FAM184B: variants seen among roughly 807,000 people sequenced by gnomAD.
The protein encoded by FAM184B is protein FAM184B.
A neutral mutation model predicts 135.9 loss-of-function variants in FAM184B; 111 were observed. The observed-to-expected ratio is 0.82, with a 90% CI of 0.70 to 0.96. The LOEUF (loss-of-function observed/expected upper bound fraction) is 0.96, where lower values mean the gene tolerates loss of function less well. Ranked by LOEUF, FAM184B falls within the 40% of genes least tolerant of loss-of-function variation. The pLI, the probability that FAM184B is intolerant of heterozygous loss-of-function variation, is 0.00. For synonymous variants in FAM184B, 552 were observed against 524.8 expected, an observed-to-expected ratio of 1.05 and a Z score of -0.71; for missense variants, 1,375 against 1,323.9, an observed-to-expected ratio of 1.04 and a Z score of -0.60.
intron 5 of FAM184B, among the ~76,000 whole-genome samples, chr4:17,697,417 C>A (rs12650142): frequency 0.48 from 54,131 of 112,596 alleles, 9,930 homozygotes; most frequent in East Asian, 0.61. Flanking sequence ...GAAAAAAAAA[C>A]CCTGGATATT....
chr4:17,660,251 T>C (rs1715883407), intron 8 of FAM184B, among the ~76,000 whole-genome samples, 164 bp from the exon 9 acceptor site: 1 of 152,172 alleles, frequency 6.6e-6, no homozygotes, highest in African/African-American at 2.4e-5. Flanking sequence ...ACCTGCCATA[T>C]AAAGTGTATT....
At chr4:17,710,309 GA>G (rs1374296038) in intron 1 of FAM184B, among the ~76,000 whole-genome samples, 1 of 147,562 alleles carries the variant, frequency 6.8e-6, no homozygotes, top group Non-Finnish European at 1.5e-5. Context: ...GGGCAAAAAA[GA>G]GTGAAACTCC....
intron 8 of FAM184B, among the ~76,000 whole-genome samples, chr4:17,661,839 C>T (rs1408231478): frequency 1.3e-5 from 2 of 152,180 alleles, no homozygotes; most frequent in African/African-American, 2.4e-5. Flanking sequence ...GGGGGCTGAA[C>T]TTTCTCTCAG....
chr4:17,635,593 GTAT>G (rs771844935), intron 15 of FAM184B, among the ~76,000 whole-genome samples: 22 of 150,826 alleles, frequency 1.5e-4, no homozygotes, highest in Non-Finnish European at 2.2e-4. Context: ...CTCTCCTGCT[GTAT>G]TATTACTAAA....
Position 17,652,948 on chromosome 4 carries a change from G to A in FAM184B, c.2073C>T (p.His691=), listed in dbSNP as rs1272697383. The change falls in exon 11 of 18, where the codon CAC becomes CAT. Residue 691 remains histidine (H), a synonymous_variant. Transcript: ENST00000265018. ...GTGTCTGGTGTTGGATCTGGAGGCT[G>A]TGGCTGGATTCCTTCTTCAAGCGTT... The part of the protein sequence containing the change: ...TEERLKKESS[H]SLQIQHQTHR... 3.2e-6 allele frequency: 5 copies of A among 1,551,728 alleles called. No homozygotes were observed. Among genetic ancestry groups the A allele is most frequent in the Non-Finnish European group, 4.4e-6 (5 of 1,146,990 alleles).
chr4:17,653,600 A>G (rs572781318), intron 10 of FAM184B, among the ~76,000 whole-genome samples: 74 of 152,024 alleles, frequency 4.9e-4, no homozygotes, highest in African/African-American at 1.7e-3. Context: ...TTATTTACTG[A>G]AGTCCCACTG....
intron 12 of FAM184B, among the ~76,000 whole-genome samples, chr4:17,644,682 T>G (rs1388508108): frequency 6.6e-6 from 1 of 152,146 alleles, no homozygotes; most frequent in Non-Finnish European, 1.5e-5. Context: ...TGGGACAAGA[T>G]AGGGATGCCC....
chr4:17,742,137 A>AATATAT (rs372209332), intron 1 of FAM184B, among the ~76,000 whole-genome samples: 16 of 26,444 alleles, frequency 6.1e-4, no homozygotes, highest in Admixed American at 1.3e-3. Context: ...TATACATATG[A>AATATAT]ATATATATAT....
At position 17,655,657 on chromosome 4, in the gene FAM184B, G is replaced by C. The variant is rs557720965; in HGVS notation, c.2038-2674C>G. On this transcript the variant is annotated intron_variant, in intron 10 of 17. Transcript: ENST00000265018. ...ACCCACTGATCCCAGCAACCTGTTTGAGGGGCTGCCTTTTCCCCTAGAGGT... is the reference window on the plus strand; with the variant it reads ...ACCCACTGATCCCAGCAACCTGTTTCAGGGGCTGCCTTTTCCCCTAGAGGT... 3.3e-5 allele frequency among the ~76,000 whole-genome samples: 5 copies of C among 152,264 alleles called. No homozygotes were observed. The South Asian group carries it at 1.0e-3, about 32-fold the overall frequency.
At chr4:17,763,745 C>A (rs1380325788) in intron 1 of FAM184B, among the ~76,000 whole-genome samples, 4 of 152,106 alleles carry the variant, frequency 2.6e-5, no homozygotes, top group African/African-American at 9.7e-5. Context: ...TAATGATAAG[C>A]CTTTTAATGG....
At chr4:17,651,016 A>G (rs1715601210) in intron 11 of FAM184B, among the ~76,000 whole-genome samples, 1 of 152,170 alleles carries the variant, frequency 6.6e-6, no homozygotes, top group Admixed American at 6.5e-5. Context: ...GACTACAGGC[A>G]TGAGCCACCA....
intron 12 of FAM184B, 145 bp from the exon 13 acceptor site, chr4:17,642,373 A>G: frequency 1.7e-5 from 23 of 1,355,516 alleles, no homozygotes; most frequent in Non-Finnish European, 2.2e-5. Flanking sequence ...AGTTCCCTGC[A>G]GGGACTCCCA....
chr4:17,704,990 T>G lies in FAM184B; in HGVS notation c.1377+10A>C. 2 of 1,549,892 alleles carry G rather than the reference T, an allele frequency of 1.3e-6. No individual in the cohort carries two copies. Among genetic ancestry groups the G allele is most frequent in the Non-Finnish European group, 1.7e-6 (2 of 1,146,268 alleles). ...AGAACCAGAACAGTCTCTATGGAAG[T>G]AGGTCTCACCCTCTGCAGTTTCTTT... is the stretch of plus-strand genomic sequence containing the variant. On this transcript the variant is annotated intron_variant, in intron 5 of 17. Coordinates refer to ENST00000265018, the MANE Select transcript of FAM184B (RefSeq NM_015688.2).
At chr4:17,687,511 AG>A (rs1716615262) in intron 7 of FAM184B, among the ~76,000 whole-genome samples, 2 of 152,184 alleles carry the variant, frequency 1.3e-5, no homozygotes, top group African/African-American at 4.8e-5. Context: ...TGAAGTCTTA[AG>A]CCCCTGTACC....
At chr4:17,665,044 TATGGTTC>T (rs1312704224) in intron 7 of FAM184B, among the ~76,000 whole-genome samples, 2 of 152,200 alleles carry the variant, frequency 1.3e-5, no homozygotes, top group Non-Finnish European at 2.9e-5. Flanking sequence ...CACTTCCTGG[TATGGTTC>T]CATGCATAAC....
chr4:17,722,910 A>G (rs1216752857), intron 1 of FAM184B, among the ~76,000 whole-genome samples: 2 of 152,220 alleles, frequency 1.3e-5, no homozygotes, highest in Non-Finnish European at 2.9e-5. Context: ...AAATATTATG[A>G]GAGAGAATTA....
intron 1 of FAM184B, among the ~76,000 whole-genome samples, chr4:17,774,075 C>A (rs1409418025): frequency 3.9e-5 from 6 of 152,108 alleles, no homozygotes; most frequent in African/African-American, 1.4e-4. Flanking sequence ...GAGAGAGCTG[C>A]AAGATGAAAA....
chr4:17,708,930 G>C lies in FAM184B; in HGVS notation c.856C>G (p.Leu286Val), dbSNP rs73095607. The C allele has an allele frequency of 6.5e-7, 1 of 1,541,408 alleles. No homozygotes were observed. The highest frequency in any genetic ancestry group is 8.8e-7 in the Non-Finnish European group (1 of 1,141,874). Reference protein sequence around the residue: ...LEHRGRKISDLKKYAQKLKER... With the variant: ...LEHRGRKISDVKKYAQKLKER... Reference sequence around the variant, plus strand: ...TTCAGCTTCTGGGCGTACTTCTTCAGGTCACTTATCTTGCGGCCTCTGTGC... The same window carrying C: ...TTCAGCTTCTGGGCGTACTTCTTCACGTCACTTATCTTGCGGCCTCTGTGC... The change falls in exon 2 of 18, where the codon CTG becomes GTG. Residue 286 changes from leucine to valine, a missense_variant. Transcript: ENST00000265018.
At chr4:17,640,291 T>C (rs1715270132) in intron 13 of FAM184B, among the ~76,000 whole-genome samples, 1 of 139,530 alleles carries the variant, frequency 7.2e-6, no homozygotes, top group South Asian at 2.4e-4. Flanking sequence ...ACCAACATGG[T>C]GAAACCTCGT....
Sources: gnomAD v4.1 joint callset for allele counts (sites outside exome capture counted in the v4.1 genomes callset) on GRCh38, gnomAD v4.1.1 for gene constraint, MANE v1.5 for transcripts, NCBI Gene and HGNC (gene_info 2026-07-23, HGNC 2026-07-21) for gene names.